The following PIK3R5 variants were observed in gnomAD, a reference collection of about 807,000 sequenced individuals.
PIK3R5 encodes phosphoinositide-3-kinase regulatory subunit 5.
A neutral mutation model predicts 94.9 loss-of-function variants in PIK3R5; 32 were observed. The observed-to-expected ratio is 0.34, with a 90% confidence interval of 0.25 to 0.45. The LOEUF (loss-of-function observed/expected upper bound fraction) is 0.45. Among genes scored for constraint, PIK3R5 ranks in the 20% least tolerant of loss-of-function variants. The pLI, the probability that PIK3R5 is intolerant of heterozygous loss-of-function variation, is 1.00. For missense variants in PIK3R5, 853 were observed against 1,144.6 expected, an observed-to-expected ratio of 0.75 and a Z score of 3.68; for synonymous variants, 443 against 479.4, an observed-to-expected ratio of 0.92 and a Z score of 0.99.
intron 14 of PIK3R5, chr17:8,885,050 CGCTGTG>C (rs2089782040): frequency 8.5e-6 from 4 of 468,134 alleles, no homozygotes; most frequent in African/African-American, 8.3e-5. Flanking sequence ...GCCCCATCTC[CGCTGTG>C]ATCACACCTT....
intron 3 of PIK3R5, 42 bp from the exon 4 acceptor site, chr17:8,905,779 G>C: frequency 7.1e-7 from 1 of 1,407,930 alleles, no homozygotes; most frequent in Non-Finnish European, 9.8e-7. Context: ...CATTCACGGG[G>C]TCCAGGGCTC....
rs1174831212 is a variant in PIK3R5, at chr17:8,914,702, G to A, written c.-13-3195C>T. On this transcript the variant is annotated intron_variant, in intron 1 of 18. Coordinates refer to ENST00000447110, the MANE Select transcript of PIK3R5 (RefSeq NM_001142633.3). The stretch of plus-strand genomic sequence containing the variant: ...CCGGCAAACTCGCTCGCCTGCTCCG[G>A]TGCTGCCTGTGAGCCATGGCAGGGC... Among the ~76,000 whole-genome samples the A allele has an allele frequency of 1.4e-4, 21 of 152,236 alleles. 1 individual carries two copies. Among genetic ancestry groups the A allele is most frequent in the African/African-American group, 2.4e-5 (1 of 41,468 alleles).
At chr17:8,948,705 C>T (rs1374773117) in intron 1 of PIK3R5, among the ~76,000 whole-genome samples, 2 of 152,328 alleles carry the variant, frequency 1.3e-5, no homozygotes, top group East Asian at 3.9e-4. Flanking sequence ...ACCCTCACGG[C>T]TGCTGCGGGG....
chr17:8,908,572 C>CACA (rs59377538), intron 3 of PIK3R5, among the ~76,000 whole-genome samples: 4 of 149,032 alleles, frequency 2.7e-5, no homozygotes, highest in African/African-American at 5.0e-5. Context: ...CACACACACA[C>CACA]AACCATAAAA....
In PIK3R5 at chr17:8,884,758, G is replaced by A. The variant is rs148443913; in HGVS notation, c.2154C>T (p.Ile718=). Residue 718 remains isoleucine (I), a synonymous_variant, in exon 15 of 19, where the codon ATC becomes ATT. Transcript: ENST00000447110. This position sits in a 1 kb window ranked among gnomAD's most constrained non-coding sequence, Gnocchi z 5.8. The part of the protein sequence containing the change: ...ASGPGSKRLG[I]DGDREAVPLT... The stretch of plus-strand genomic sequence containing the variant: ...GAGGAACAGCCTCCCGGTCGCCATC[G>A]ATGCCCAGCCGCTTGCTGCCAGGAC... The A allele has an allele frequency of 8.1e-6, 13 of 1,612,916 alleles. No homozygotes were observed. Among genetic ancestry groups the A allele is most frequent in the South Asian group, 2.2e-5 (2 of 91,064 alleles).
chr17:8,945,324 C>A lies in PIK3R5; in HGVS notation c.-14+20272G>T, dbSNP rs1597427496. ...CTAGCTCCAAGAGATTCTTCCCTTA[C>A]AATCAGTAGGTCTGCCTCCCACCCC... On this transcript the variant is annotated intron_variant, in intron 1 of 18. Coordinates refer to ENST00000447110, the MANE Select transcript of PIK3R5 (RefSeq NM_001142633.3). The surrounding 1 kb of genome is among the most constrained non-coding windows in gnomAD (Gnocchi z 4.0). Among the ~76,000 whole-genome samples, 1 of 152,248 alleles carries A rather than the reference C, an allele frequency of 6.6e-6. No individual in the cohort carries two copies. The highest frequency in any genetic ancestry group is 1.9e-4 in the East Asian group (1 of 5,170).
In PIK3R5 at chr17:8,884,768, C is replaced by A; in HGVS notation, c.2144G>T (p.Arg715Leu). The A allele has an allele frequency of 6.2e-7, 1 of 1,612,964 alleles. No homozygotes were observed. Among genetic ancestry groups the A allele is most frequent in the South Asian group, 1.1e-5 (1 of 91,078 alleles). Reference protein sequence around the residue: ...AIKASGPGSKRLGIDGDREAV... With the variant: ...AIKASGPGSKLLGIDGDREAV... ...CTCCCGGTCGCCATCGATGCCCAGC[C>A]GCTTGCTGCCAGGACCTGTGCCACA... is the stretch of plus-strand genomic sequence containing the variant. Residue 715 changes from arginine to leucine, a missense_variant, in exon 15 of 19, where the codon CGG becomes CTG. By Grantham distance (102) the Arg-to-Leu change is moderately radical. This residue lies in a region of PIK3R5 where 173 missense variants were observed against 274.1 expected (regional missense o/e 0.63). Coordinates refer to ENST00000447110, the MANE Select transcript of PIK3R5 (RefSeq NM_001142633.3). This position sits in a 1 kb window ranked among gnomAD's most constrained non-coding sequence, Gnocchi z 5.8.
chr17:8,942,994 C>G (rs1318354813), intron 1 of PIK3R5, among the ~76,000 whole-genome samples: 2 of 73,698 alleles, frequency 2.7e-5, no homozygotes, highest in Non-Finnish European at 6.1e-5. Context: ...ACACACTTTG[C>G]TAAAACATTT....
chr17:8,958,250 G>A (rs1407316634), intron 1 of PIK3R5, among the ~76,000 whole-genome samples: 2 of 147,054 alleles, frequency 1.4e-5, no homozygotes, highest in African/African-American at 2.5e-5. Context: ...GTGGAGGTTC[G>A]CACCACTGCA....
Position 8,881,547 on chromosome 17 carries a change from GCACACACA to G in PIK3R5, c.2382+75_2382+82del, listed in dbSNP as rs1567629953. ...TGCACACATGCACACACATACATGT[GCACACACA>G]CGTACACACATACGCACATGCACGC... is the stretch of plus-strand genomic sequence containing the variant. On this transcript the variant is annotated intron_variant, in intron 17 of 18. Coordinates refer to ENST00000447110, the MANE Select transcript of PIK3R5 (RefSeq NM_001142633.3). The surrounding 1 kb of genome is among the most constrained non-coding windows in gnomAD (Gnocchi z 4.8). 9 of 1,052,340 alleles carry G rather than the reference GCACACACA, an allele frequency of 8.6e-6. No individual in the cohort carries two copies. Among genetic ancestry groups the G allele is most frequent in the Admixed American group, 2.0e-5 (1 of 50,860 alleles). The allele number at this position is 1,052,340 out of a possible 1,614,324, so 65.2% of individuals were successfully genotyped here.
Position 8,887,170 on chromosome 17 carries a change from G to C in PIK3R5, c.1831C>G (p.Leu611Val). 1.2e-6 allele frequency: 2 copies of C among 1,613,980 alleles called. No homozygotes were observed. The highest frequency in any genetic ancestry group is 1.3e-5 in the African/African-American group (1 of 75,028). Residue 611 changes from leucine to valine, a missense_variant, in exon 12 of 19, where the codon CTC (leucine) becomes GTC (valine). Leu to Val is a conservative substitution (Grantham distance 32). This residue lies in a region of PIK3R5 where 173 missense variants were observed against 274.1 expected (regional missense o/e 0.63). Coordinates refer to ENST00000447110, the MANE Select transcript of PIK3R5 (RefSeq NM_001142633.3). ...TCATACCAGGGGTCCAGCATGCCGA[G>C]GTAGTGGGAGATGTCATTGGTGCTC... ...EESTNDISHYLGMLDPWYERN... is the reference protein window; with the variant it reads ...EESTNDISHYVGMLDPWYERN...
intron 1 of PIK3R5, among the ~76,000 whole-genome samples, chr17:8,959,913 A>G (rs929505641): frequency 2.0e-5 from 3 of 152,066 alleles, no homozygotes; most frequent in African/African-American, 4.8e-5. Flanking sequence ...TGGGGACTCA[A>G]CTCCCTGAGC....
chr17:8,930,727 G>T (rs558325134), intron 1 of PIK3R5, among the ~76,000 whole-genome samples: 4 of 152,100 alleles, frequency 2.6e-5, no homozygotes, highest in Non-Finnish European at 5.9e-5. Context: ...CAACAACCTG[G>T]GTTAACTTCC....
At chr17:8,883,197 G>A (rs139291755) in intron 15 of PIK3R5, among the ~76,000 whole-genome samples, 1 of 152,250 alleles carries the variant, frequency 6.6e-6, no homozygotes, top group Non-Finnish European at 1.5e-5. Flanking sequence ...GTGAAACCCC[G>A]TCTCTACTAA....
intron 5 of PIK3R5, among the ~76,000 whole-genome samples, chr17:8,898,941 C>T (rs1354638848): frequency 1.3e-5 from 2 of 152,198 alleles, no homozygotes; most frequent in Non-Finnish European, 2.9e-5. Context: ...TCCTTCTTCC[C>T]CTACAGGCAA....
rs867277946 is a variant in PIK3R5, at chr17:8,894,796, C to T, written c.413-1141G>A. ...CTTGGAAATAGGCCCAGGGCAGTCC[C>T]CATCGAGAGCAGGGCCACTCTGAAC... On this transcript the variant is annotated intron_variant, in intron 5 of 18. Coordinates refer to ENST00000447110, the MANE Select transcript of PIK3R5 (RefSeq NM_001142633.3). Among the ~76,000 whole-genome samples, 7 of 151,746 alleles carry T rather than the reference C, an allele frequency of 4.6e-5. No homozygotes were observed. In the South Asian group the frequency reaches 1.3e-3, roughly 27 times the overall value.
Position 8,882,172 on chromosome 17 carries a change from G to C in PIK3R5, c.2206-291C>G, listed in dbSNP as rs1024755797. The C allele has an allele frequency of 2.4e-6, 1 of 416,828 alleles. No homozygotes were observed. The highest frequency in any genetic ancestry group is 4.4e-6 in the Non-Finnish European group (1 of 225,184). 25.8% of individuals were successfully genotyped at this position (416,828 alleles called of 1,614,324 possible). A position where few individuals can be genotyped will look rare whatever the true frequency, so the allele number is the denominator to read the frequency against. On this transcript the variant is annotated intron_variant, in intron 15 of 18. Coordinates refer to ENST00000447110, the MANE Select transcript of PIK3R5 (RefSeq NM_001142633.3). This position sits in a 1 kb window ranked among gnomAD's most constrained non-coding sequence, Gnocchi z 4.1. Reference sequence around the variant, plus strand: ...TCCTGAAGCTCTCCTGCCGGGCCCAGAGTGAAGAAGGGTTGGGCCCACAGA... The same window carrying C: ...TCCTGAAGCTCTCCTGCCGGGCCCACAGTGAAGAAGGGTTGGGCCCACAGA...
At position 8,881,922 on chromosome 17, in the gene PIK3R5, C is replaced by T. The variant is rs749774111; in HGVS notation, c.2206-41G>A. 8.1e-6 allele frequency: 12 copies of T among 1,474,704 alleles called. No individual in the cohort carries two copies. In the Admixed American group the frequency reaches 2.1e-4, roughly 26 times the overall value. 91.4% of individuals were successfully genotyped at this position (1,474,704 alleles called of 1,614,324 possible). ...AGCCAGACCCTCTGAGTCCAGAGGC[C>T]CCGGTGCCTGCTGCCTTCTCTTTGA... On this transcript the variant is annotated intron_variant, in intron 15 of 18. Transcript: ENST00000447110. This position sits in a 1 kb window ranked among gnomAD's most constrained non-coding sequence, Gnocchi z 4.8.
chr17:8,901,861 T>C (rs1281353088), intron 5 of PIK3R5, among the ~76,000 whole-genome samples: 2 of 152,158 alleles, frequency 1.3e-5, no homozygotes, highest in Non-Finnish European at 2.9e-5. Context: ...TTTTTTGGCA[T>C]TGGTTGATTA....
Sources: allele counts gnomAD v4.1 joint callset (sites outside exome capture counted in the v4.1 genomes callset), GRCh38; gene constraint gnomAD v4.1.1; regional missense constraint gnomAD v4.1.1; non-coding constraint Gnocchi (gnomAD v3.1); transcripts MANE v1.5; gene names NCBI Gene and HGNC (gene_info 2026-07-23, HGNC 2026-07-21).